The following ATP10B variants were observed in gnomAD, a reference collection of about 807,000 sequenced individuals.
ATP10B encodes phospholipid-transporting ATPase VB.
Under a neutral mutation model 141.2 loss-of-function variants are expected in ATP10B, and 122 were observed. That is an observed-to-expected ratio of 0.86 (90% CI 0.75 to 1.00). ATP10B has a LOEUF of 1.00. Among genes scored for constraint, ATP10B ranks in the 50% least tolerant of loss-of-function variants. The pLI, the probability that ATP10B is intolerant of heterozygous loss-of-function variation, is 0.00. For synonymous variants in ATP10B, 685 were observed against 692.0 expected (o/e 0.99, Z 0.16); for missense variants, 1,876 against 1,825.3 (o/e 1.03, Z -0.51).
Position 160,606,839 on chromosome 5 carries a change from C to T in ATP10B, c.3086G>A (p.Arg1029His), listed in dbSNP as rs200782414. The T allele has an allele frequency of 6.7e-4, 1,087 of 1,614,122 alleles. 14 individuals are homozygous for T. The highest frequency in any genetic ancestry group is 6.2e-3 in the South Asian group (567 of 91,074). The change falls in exon 19 of 26, where the codon CGC (arginine) becomes CAC (histidine). Residue 1029 changes from arginine to histidine, a missense_variant. Coordinates refer to ENST00000327245, the MANE Select transcript of ATP10B (RefSeq NM_025153.3). ...TQYCRSVLCC[R>H]STPLQKSMIV... ...CATACTCTTCTGGAGTGGCGTGGAG[C>T]GGCAGCACAGGACGGACCGACAATA... is the stretch of plus-strand genomic sequence containing the variant.
At chr5:160,887,501 C>A in the ATP10B span, among the ~76,000 whole-genome samples, 2 of 152,038 alleles carry the variant, frequency 1.3e-5, no homozygotes, top group African/African-American at 4.8e-5. Context: ...ACAAGTGAGA[C>A]CTCATCACTC....
intron 3 of ATP10B, 47 bp from the exon 4 acceptor site, chr5:160,688,990 A>G: frequency 1.0e-6 from 1 of 963,714 alleles, no homozygotes; most frequent in Non-Finnish European, 1.2e-6. Context: ...CAGGTGGCAA[A>G]GAAATGCTGC....
intron 8 of ATP10B, among the ~76,000 whole-genome samples, chr5:160,648,912 G>A (rs1260561648): frequency 7.3e-6 from 1 of 136,202 alleles, no homozygotes; most frequent in African/African-American, 2.7e-5. Flanking sequence ...TGATTTTGAT[G>A]CTATTTTACT....
chr5:160,747,187 G>C (rs1006484910), intron 2 of ATP10B, among the ~76,000 whole-genome samples: 1 of 152,136 alleles, frequency 6.6e-6, no homozygotes, highest in African/African-American at 2.4e-5. Context: ...AATGATTCCA[G>C]GCTAAAGGAC....
At position 160,575,200 on chromosome 5, in the gene ATP10B, T is replaced by C. The variant is rs186029874; in HGVS notation, c.3751-5517A>G. On this transcript the variant is annotated intron_variant, in intron 24 of 25. Transcript: ENST00000327245. Reference sequence around the variant, plus strand: ...CAAACTTAACATTGCTAAAATTAATTTAACATAGCTAAAATTTTTTTACAT... The same window carrying C: ...CAAACTTAACATTGCTAAAATTAATCTAACATAGCTAAAATTTTTTTACAT... Among the ~76,000 whole-genome samples the C allele has an allele frequency of 4.1e-3, 631 of 152,280 alleles. 3 individuals carry two copies. Among genetic ancestry groups the C allele is most frequent in the Middle Eastern group, 0.01 (3 of 294 alleles).
intron 2 of ATP10B, among the ~76,000 whole-genome samples, chr5:160,733,682 T>C (rs77740442): frequency 0.071 from 492 of 6,910 alleles, 3 homozygotes; most frequent in Middle Eastern, 0.17. Context: ...TATATATATA[T>C]ACACACACAC....
chr5:160,910,912 G>A, the ATP10B span, among the ~76,000 whole-genome samples: 1 of 152,286 alleles, frequency 6.6e-6, no homozygotes, highest in South Asian at 2.1e-4. Flanking sequence ...CTCTCATGAA[G>A]GTTGGTGCCT....
intron 3 of ATP10B, among the ~76,000 whole-genome samples, chr5:160,691,344 C>G (rs1299240501): frequency 6.6e-6 from 1 of 152,060 alleles, no homozygotes; most frequent in African/African-American, 2.4e-5. Context: ...TATCCCAGAA[C>G]TTAAAGTATA....
intron 7 of ATP10B, among the ~76,000 whole-genome samples, chr5:160,655,755 T>C (rs1761450873): frequency 6.6e-6 from 1 of 152,194 alleles, no homozygotes; most frequent in African/African-American, 2.4e-5. Context: ...AGTCTTCCGT[T>C]CATTCATGCG....
chr5:160,881,735 C>T, the ATP10B span, among the ~76,000 whole-genome samples: 5 of 152,102 alleles, frequency 3.3e-5, no homozygotes, highest in East Asian at 1.9e-4. Flanking sequence ...GGTGTGAAAG[C>T]GGGAGGTGGA....
At position 160,806,460 on chromosome 5, in the gene ATP10B, C is replaced by T. The variant is rs185618953; in HGVS notation, c.-575-20657G>A. ...TAAGAAAACACACACATAAGGTTAT[C>T]CCCCAGAACCTAGGGAATAAGGTTC... On this transcript the variant is annotated intron_variant, in intron 1 of 25. Coordinates refer to ENST00000327245, the MANE Select transcript of ATP10B (RefSeq NM_025153.3). Among the ~76,000 whole-genome samples the T allele has an allele frequency of 3.3e-3, 508 of 152,282 alleles. 2 individuals are homozygous for T. The highest frequency in any genetic ancestry group is 0.011 in the African/African-American group (472 of 41,566).
At chr5:160,604,598 C>G (rs1218360887) in intron 19 of ATP10B, among the ~76,000 whole-genome samples, 1 of 152,130 alleles carries the variant, frequency 6.6e-6, no homozygotes, top group East Asian at 1.9e-4. Context: ...TGTTTTGTTT[C>G]TCAGTGTAGA....
intron 24 of ATP10B, among the ~76,000 whole-genome samples, chr5:160,577,919 T>C (rs1000783945): frequency 1.3e-5 from 2 of 152,166 alleles, no homozygotes; most frequent in South Asian, 4.1e-4. Flanking sequence ...GGTCAAACAA[T>C]TTATTAAAAG....
chr5:160,853,308 C>T (rs764621702), upstream of ATP10B, among the ~76,000 whole-genome samples: 4 of 152,166 alleles, frequency 2.6e-5, no homozygotes, highest in Admixed American at 6.5e-5. Flanking sequence ...CTTCTAGGGA[C>T]GAGTGTGGTC....
intron 2 of ATP10B, among the ~76,000 whole-genome samples, chr5:160,762,248 C>T (rs1769102051): frequency 6.6e-6 from 1 of 152,112 alleles, no homozygotes; most frequent in Non-Finnish European, 1.5e-5. Context: ...AGATCATTAC[C>T]TAGGCACGTA....
chr5:160,639,857 A>G (rs1335829603), intron 10 of ATP10B, among the ~76,000 whole-genome samples: 2 of 152,190 alleles, frequency 1.3e-5, no homozygotes, highest in Non-Finnish European at 2.9e-5. Context: ...GGGAGCCCTG[A>G]GCTTATTTTT....
intron 20 of ATP10B, chr5:160,602,915 C>T (rs1757173772): frequency 5.9e-6 from 3 of 506,202 alleles, no homozygotes; most frequent in East Asian, 3.8e-5. Context: ...GAGGGCAGAT[C>T]AGAAGGGATC....
At chr5:160,709,620 T>C (rs1196261873) in intron 3 of ATP10B, among the ~76,000 whole-genome samples, 2 of 149,996 alleles carry the variant, frequency 1.3e-5, no homozygotes, top group African/African-American at 4.9e-5. Flanking sequence ...TTTTTTTTTT[T>C]TATTATACTC....
intron 7 of ATP10B, among the ~76,000 whole-genome samples, chr5:160,652,913 GTATATATAA>G (rs1760933519): frequency 5.3e-5 from 3 of 56,944 alleles, no homozygotes. Context: ...ATATATACAT[GTATATATAA>G]TATATTATAT....
Sources: gnomAD v4.1 joint callset for allele counts (sites outside exome capture counted in the v4.1 genomes callset) on GRCh38, gnomAD v4.1.1 for gene constraint, MANE v1.5 for transcripts, NCBI Gene and HGNC (gene_info 2026-07-23, HGNC 2026-07-21) for gene names.